The following DNAJC13 variants were observed in gnomAD, a reference collection of about 807,000 sequenced individuals.
DNAJC13 encodes the protein dnaJ homolog subfamily C member 13.
DNAJC13 carries 75 observed loss-of-function variants against 290.5 expected under a neutral mutation model. That is an observed-to-expected ratio of 0.26 (90% CI 0.21 to 0.31). The LOEUF (loss-of-function observed/expected upper bound fraction) is 0.31. DNAJC13 is among the 10% of genes least tolerant of loss of function. The pLI, the probability that DNAJC13 is intolerant of heterozygous loss-of-function variation, is 1.00. For synonymous variants in DNAJC13, 862 were observed against 892.0 expected (o/e 0.97, Z 0.60); for missense variants, 2,260 against 2,674.5 (o/e 0.85, Z 3.42).
chr3:132,461,184 A>C lies in DNAJC13; in HGVS notation c.1692A>C (p.Arg564Ser), dbSNP rs1933784041. ...TGGAGATGGTAGCATCCAATGGAAGAACCCTTTTTAAACTTTTTCAGGTGA... is the reference window on the plus strand; with the variant it reads ...TGGAGATGGTAGCATCCAATGGAAGCACCCTTTTTAAACTTTTTCAGGTGA... ...MLLEMVASNG[R>S]TLFKLFQHPS... The change falls in exon 15 of 56, where the codon AGA becomes AGC. Residue 564 changes from arginine to serine, a missense_variant. By Grantham distance (110) the Arg-to-Ser change is moderately radical. Transcript: ENST00000260818. The C allele has an allele frequency of 6.8e-6, 11 of 1,614,054 alleles. No homozygotes were observed. The East Asian group carries it at 2.5e-4, about 36-fold the overall frequency.
rs9833627 is a variant in DNAJC13, at chr3:132,523,798, C to T, written c.6060+85C>T. The T allele has an allele frequency of 0.21, 288,441 of 1,342,472 alleles. 32,204 individuals are homozygous for T. The highest frequency in any genetic ancestry group is 0.31 in the South Asian group (20,794 of 67,406). The allele number at this position is 1,342,472 out of a possible 1,614,324, so 83.2% of individuals were successfully genotyped here. A position where few individuals can be genotyped will look rare whatever the true frequency, so the allele number is the denominator to read the frequency against. On this transcript the variant is annotated intron_variant, in intron 51 of 55. Transcript: ENST00000260818. ...TCTCTTACAACCTTATTCACAAAGA[C>T]CATGAATTAGGAATTGGCCAGCTCT...
chr3:132,487,559 A>ATTTTTTTTTTTTTTTTTTTTTTTTTTT lies in DNAJC13; in HGVS notation c.3268-719_3268-718insTTTTTTTTTTTTTTTTTTTTTTTTTTT, dbSNP rs10663131. Among the ~76,000 whole-genome samples, 41 of 110,430 alleles carry ATTTTTTTTTTTTTTTTTTTTTTTTTTT rather than the reference A, an allele frequency of 3.7e-4. 6 individuals carry two copies. The highest frequency in any genetic ancestry group is 2.0e-3 in the African/African-American group (38 of 18,772). 72.4% of individuals were successfully genotyped at this position (110,430 alleles called of 152,430 possible). A position where few individuals can be genotyped will look rare whatever the true frequency, so the allele number is the denominator to read the frequency against. ...GCGTGAGCCACCATGCCTGGCTGTA[A>ATTTTTTTTTTTTTTTTTTTTTTTTTTT]TTTTTTTTTTTTTTTTTTTTACTGG... On this transcript the variant is annotated intron_variant, in intron 29 of 55. Transcript: ENST00000260818.
In DNAJC13 at chr3:132,525,571, G is replaced by A. The variant is rs764012759; in HGVS notation, c.6061-39G>A. ...ACCTTGGATATTTAGGGCTGTATGA[G>A]TATTTTATAGTTGATTTATTTTTGT... On this transcript the variant is annotated intron_variant, in intron 51 of 55. Coordinates refer to ENST00000260818, the MANE Select transcript of DNAJC13 (RefSeq NM_015268.4). 1.9e-6 allele frequency: 3 copies of A among 1,601,384 alleles called. No individual in the cohort carries two copies. In the South Asian group the frequency reaches 3.4e-5, roughly 18 times the overall value.
At chr3:132,431,937 T>C (rs1939249240) in intron 1 of DNAJC13, among the ~76,000 whole-genome samples, 1 of 152,056 alleles carries the variant, frequency 6.6e-6, no homozygotes. Context: ...AAAATAGTGG[T>C]GATGGTTGCA....
At chr3:132,480,094 G>GT (rs1033024437) in intron 25 of DNAJC13, among the ~76,000 whole-genome samples, 1 of 152,104 alleles carries the variant, frequency 6.6e-6, no homozygotes, top group African/African-American at 2.4e-5. Flanking sequence ...ACCAGAGGTT[G>GT]TTTTTTCCTC....
intron 1 of DNAJC13, among the ~76,000 whole-genome samples, chr3:132,433,074 G>T (rs886839911): frequency 7.2e-5 from 11 of 152,134 alleles, no homozygotes; most frequent in African/African-American, 2.7e-4. Flanking sequence ...TTGCAAACAG[G>T]TTAAGCAGTA....
chr3:132,537,705 GTTAC>G (rs1376837402), intron 55 of DNAJC13, among the ~76,000 whole-genome samples: 2 of 152,184 alleles, frequency 1.3e-5, no homozygotes, highest in African/African-American at 4.8e-5. Flanking sequence ...TTCGTTTGGT[GTTAC>G]TTGTTATAAT....
chr3:132,496,556 A>G lies in DNAJC13; in HGVS notation c.4049A>G (p.Tyr1350Cys). Residue 1350 changes from tyrosine (Y) to cysteine (C), a missense_variant, in exon 36 of 56, where the codon TAT (tyrosine) becomes TGT (cysteine). Transcript: ENST00000260818. ...RDMFEKVNKA[Y>C]EFLCTKSAKI... is the part of the protein sequence containing the mutation. ...ATGTTTGAAAAAGTAAATAAAGCAT[A>G]TGAATTTTTATGTACCAAATCAGCA... 3.7e-6 allele frequency: 6 copies of G among 1,603,178 alleles called. No homozygotes were observed. Among genetic ancestry groups the G allele is most frequent in the South Asian group, 1.1e-5 (1 of 89,224 alleles).
At chr3:132,470,591 A>C (rs1576479524) in intron 20 of DNAJC13, among the ~76,000 whole-genome samples, 1 of 139,838 alleles carries the variant, frequency 7.2e-6, no homozygotes, top group Non-Finnish European at 1.6e-5. Flanking sequence ...CACCTCCCGG[A>C]CGGGGCGGCT....
At chr3:132,497,190 T>A (rs897792232) in intron 36 of DNAJC13, among the ~76,000 whole-genome samples, 2 of 152,240 alleles carry the variant, frequency 1.3e-5, no homozygotes, top group Non-Finnish European at 2.9e-5. Context: ...TGAAGAACAC[T>A]GGTATAGATG....
intron 1 of DNAJC13, among the ~76,000 whole-genome samples, chr3:132,418,078 T>G (rs955310997): frequency 5.9e-5 from 9 of 152,146 alleles, no homozygotes; most frequent in Non-Finnish European, 1.2e-4. Context: ...CATTCCCTTG[T>G]GGGTTCCGCC....
At chr3:132,472,674 C>A in intron 20 of DNAJC13, 1 of 844,436 alleles carries the variant, frequency 1.2e-6, no homozygotes, top group Non-Finnish European at 1.4e-6. Flanking sequence ...CTTAACTTCA[C>A]ATGTGTTTGA....
chr3:132,491,814 T>A (rs1935065756), intron 32 of DNAJC13, among the ~76,000 whole-genome samples: 1 of 152,176 alleles, frequency 6.6e-6, no homozygotes, highest in African/African-American at 2.4e-5. Context: ...TTTGACTTCT[T>A]GACCTATGGG....
At chr3:132,452,185 C>T (rs75806535) in intron 6 of DNAJC13, among the ~76,000 whole-genome samples, 2,958 of 152,216 alleles carry the variant, frequency 0.019, 101 homozygotes, top group African/African-American at 0.067. Flanking sequence ...ATAAGGTAAA[C>T]GTTAAGGATG....
At chr3:132,488,164 A>G in intron 29 of DNAJC13, 134 bp from the exon 30 acceptor site, 1 of 653,238 alleles carries the variant, frequency 1.5e-6, no homozygotes, top group Non-Finnish European at 2.4e-6. Context: ...CTGGTAGATG[A>G]GCTTACTGAC....
intron 20 of DNAJC13, among the ~76,000 whole-genome samples, chr3:132,467,667 G>A (rs557537922): frequency 4.9e-4 from 75 of 151,976 alleles, no homozygotes; most frequent in Middle Eastern, 3.4e-3. Flanking sequence ...GGGTTTCACC[G>A]TGTTAGCCAG....
Position 132,461,525 on chromosome 3 carries a change from A to G in DNAJC13, c.1713+320A>G, listed in dbSNP as rs193300838. ...CATCCATGTAGGCTGCGGGTTGGAC[A>G]AGCTTGATCTATAATATTGACGAAT... On this transcript the variant is annotated intron_variant, in intron 15 of 55. Transcript: ENST00000260818. Among the ~76,000 whole-genome samples, 226 of 152,328 alleles carry G rather than the reference A, an allele frequency of 1.5e-3. 1 individual carries two copies. In the Middle Eastern group the frequency reaches 0.017, roughly 11 times the overall value.
intron 9 of DNAJC13, 147 bp downstream of exon 9, chr3:132,454,304 C>T: frequency 1.7e-6 from 1 of 581,080 alleles, no homozygotes; most frequent in Non-Finnish European, 3.0e-6. Flanking sequence ...AAATGACCCT[C>T]CCATTTTCAA....
At chr3:132,532,393 A>T (rs1481581995) in intron 55 of DNAJC13, among the ~76,000 whole-genome samples, 2 of 152,110 alleles carry the variant, frequency 1.3e-5, no homozygotes, top group African/African-American at 4.8e-5. Context: ...GACACTCCTA[A>T]AGTTGGAGCA....
Sources: gnomAD v4.1 joint callset for allele counts (sites outside exome capture counted in the v4.1 genomes callset) on GRCh38, gnomAD v4.1.1 for gene constraint, MANE v1.5 for transcripts, NCBI Gene and HGNC (gene_info 2026-07-23, HGNC 2026-07-21) for gene names.